The following CAMK1D variants were observed in gnomAD, a reference collection of about 807,000 sequenced individuals.
The protein encoded by CAMK1D is calcium/calmodulin-dependent protein kinase type 1D.
A neutral mutation model predicts 47.7 loss-of-function variants in CAMK1D; 9 were observed. The ratio of observed to expected loss-of-function variants is 0.19; its 90% CI spans 0.11 to 0.33. CAMK1D has a LOEUF of 0.33. Among genes scored for constraint, CAMK1D ranks in the 10% least tolerant of loss-of-function variants. The probability of loss-of-function intolerance (pLI) is 1.00; values close to 1 mark genes in which losing one functional copy is unlikely to be tolerated. For missense variants in CAMK1D, 291 were observed against 488.7 expected, an observed-to-expected ratio of 0.60 and a Z score of 3.81; for synonymous variants, 184 against 184.9, an observed-to-expected ratio of 0.99 and a Z score of 0.04.
intron 3 of CAMK1D, among the ~76,000 whole-genome samples, chr10:12,686,394 T>C (rs1442147738): frequency 6.6e-6 from 1 of 152,182 alleles, no homozygotes; most frequent in Admixed American, 6.5e-5. Context: ...CGATCTCGGC[T>C]CACTGCAGCC....
chr10:12,789,873 C>T (rs1343729294), intron 5 of CAMK1D, among the ~76,000 whole-genome samples: 3 of 152,274 alleles, frequency 2.0e-5, no homozygotes, highest in African/African-American at 7.2e-5. Flanking sequence ...GCTAAAGACA[C>T]TGCCATCAGA....
chr10:12,456,174 A>T (rs1272985946), intron 1 of CAMK1D, among the ~76,000 whole-genome samples: 1 of 152,218 alleles, frequency 6.6e-6, no homozygotes, highest in African/African-American at 2.4e-5. Flanking sequence ...AGGTTTGGGG[A>T]TCCCCTGAAT....
intron 1 of CAMK1D, among the ~76,000 whole-genome samples, chr10:12,536,246 G>T (rs996269107): frequency 6.0e-5 from 9 of 151,136 alleles, no homozygotes; most frequent in African/African-American, 1.2e-4. Context: ...AAAAAAAAAA[G>T]TTATGGATCT....
chr10:12,401,118 AAT>A (rs1171509882), intron 1 of CAMK1D, among the ~76,000 whole-genome samples: 4 of 74,648 alleles, frequency 5.4e-5, no homozygotes, highest in Non-Finnish European at 9.6e-5. Context: ...TTATATATAT[AAT>A]ATATGTATTA....
intron 2 of CAMK1D, among the ~76,000 whole-genome samples, chr10:12,616,034 GGT>G (rs889241491): frequency 2.1e-4 from 31 of 149,960 alleles, no homozygotes; most frequent in African/African-American, 5.4e-4. Context: ...TGTGTGTGTG[GGT>G]GTGTGAGTGC....
chr10:12,490,102 G>A (rs1366508025), intron 1 of CAMK1D, among the ~76,000 whole-genome samples: 1 of 152,174 alleles, frequency 6.6e-6, no homozygotes, highest in Admixed American at 6.5e-5. Context: ...ACTGCTGTGG[G>A]GAAGGTTTTC....
chr10:12,553,423 G>GCCCCGGAGGCAGACTTT (rs1371301629), intron 2 of CAMK1D, 67 bp downstream of exon 2: 2 of 1,368,336 alleles, frequency 1.5e-6, no homozygotes, highest in Non-Finnish European at 2.1e-6. Flanking sequence ...CAGGAGTCCT[G>GCCCCGGAGGCAGACTTT]CCCCGGAGGC....
chr10:12,831,799 T>C lies in CAMK1D; in HGVS notation c.*2912T>C, dbSNP rs986224938. On this transcript the variant is annotated 3_prime_UTR_variant, in exon 11 of 11. Transcript: ENST00000619168. ...CTTCAGAGAAAGAGAGGCGCTCTTGTGCTTTTGAGAGAGCTCTCATGTTAA... is the reference window on the plus strand; with the variant it reads ...CTTCAGAGAAAGAGAGGCGCTCTTGCGCTTTTGAGAGAGCTCTCATGTTAA... The C allele has an allele frequency of 6.6e-6, 1 of 152,250 alleles. No homozygotes were observed. The highest frequency in any genetic ancestry group is 2.4e-5 in the African/African-American group (1 of 41,474). 9.4% of individuals were successfully genotyped at this position (152,250 alleles called of 1,614,324 possible).
At chr10:12,504,225 TACACACACAC>T (rs111662084) in intron 1 of CAMK1D, among the ~76,000 whole-genome samples, 1 of 147,618 alleles carries the variant, frequency 6.8e-6, no homozygotes, top group African/African-American at 2.5e-5. Flanking sequence ...ATACACATTT[TACACACACAC>T]ACACACACAC....
chr10:12,510,231 A>T (rs550855474), intron 1 of CAMK1D, among the ~76,000 whole-genome samples: 3 of 152,202 alleles, frequency 2.0e-5, no homozygotes, highest in African/African-American at 7.2e-5. Context: ...CCTGGCCAAC[A>T]TAGCAAAAAC....
At chr10:12,810,890 G>A (rs912385404) in intron 6 of CAMK1D, among the ~76,000 whole-genome samples, 1 of 152,268 alleles carries the variant, frequency 6.6e-6, no homozygotes, top group Non-Finnish European at 1.5e-5. Flanking sequence ...GAAAAGGGAG[G>A]TGTGGGAACC....
At chr10:12,422,347 C>T (rs996396090) in intron 1 of CAMK1D, among the ~76,000 whole-genome samples, 9 of 152,124 alleles carry the variant, frequency 5.9e-5, no homozygotes, top group East Asian at 1.9e-4. Context: ...TGCCTTTCTC[C>T]GGTTATTCTT....
intron 2 of CAMK1D, among the ~76,000 whole-genome samples, chr10:12,593,235 C>CT (rs1177530133): frequency 2.0e-5 from 3 of 152,168 alleles, no homozygotes; most frequent in Admixed American, 6.5e-5. Flanking sequence ...GCACTCTTTA[C>CT]TTTTTCTGCA....
At chr10:12,383,261 A>AT (rs555841097) in intron 1 of CAMK1D, among the ~76,000 whole-genome samples, 104 of 147,800 alleles carry the variant, frequency 7.0e-4, no homozygotes, top group South Asian at 2.4e-3. Flanking sequence ...GATCTTTCCA[A>AT]TTTTTTTTTT....
intron 6 of CAMK1D, among the ~76,000 whole-genome samples, chr10:12,807,017 T>C: frequency 6.6e-6 from 1 of 152,322 alleles, no homozygotes; most frequent in East Asian, 1.9e-4. Flanking sequence ...ACCCCTGAGC[T>C]GAGTGATCTT....
intron 3 of CAMK1D, among the ~76,000 whole-genome samples, chr10:12,702,866 C>G (rs947695696): frequency 6.6e-6 from 1 of 152,106 alleles, no homozygotes; most frequent in Non-Finnish European, 1.5e-5. Flanking sequence ...AGGGGCAGCC[C>G]GAAGGTCATC....
At chr10:12,423,919 G>A (rs1328327731) in intron 1 of CAMK1D, among the ~76,000 whole-genome samples, 2 of 152,132 alleles carry the variant, frequency 1.3e-5, no homozygotes, top group Non-Finnish European at 2.9e-5. Flanking sequence ...GCTCTTCAGC[G>A]GGGTCCTGTG....
At chr10:12,821,384 G>A (rs1007524357) in intron 8 of CAMK1D, among the ~76,000 whole-genome samples, 2 of 152,114 alleles carry the variant, frequency 1.3e-5, no homozygotes, top group Admixed American at 6.5e-5. Flanking sequence ...CCGAACCCCC[G>A]CTCCCATCTT....
In CAMK1D at chr10:12,664,841, T is replaced by C. The variant is rs550252256; in HGVS notation, c.225-1895T>C. Among the ~76,000 whole-genome samples, 16 of 152,358 alleles carry C rather than the reference T, an allele frequency of 1.1e-4. No individual in the cohort carries two copies. In the South Asian group the frequency reaches 3.3e-3, roughly 32 times the overall value. Reference sequence around the variant, plus strand: ...TCTTCATATAATCCCATTCCTCCTATTTCTCCAGAAATCTAGGCTCTTCAT... The same window carrying C: ...TCTTCATATAATCCCATTCCTCCTACTTCTCCAGAAATCTAGGCTCTTCAT... On this transcript the variant is annotated intron_variant, in intron 2 of 10. Transcript: ENST00000619168.
Sources: gnomAD v4.1 joint callset for allele counts (sites outside exome capture counted in the v4.1 genomes callset) on GRCh38, gnomAD v4.1.1 for gene constraint, MANE v1.5 for transcripts, NCBI Gene and HGNC (gene_info 2026-07-23, HGNC 2026-07-21) for gene names.